The following DIAPH2 variants were observed in gnomAD, a reference collection of about 807,000 sequenced individuals.
DIAPH2 encodes diaphanous related formin 2.
In DIAPH2, 35 loss-of-function variants were observed where a neutral mutation model predicts 92.7. The ratio of observed to expected loss-of-function variants is 0.38; its 90% CI spans 0.29 to 0.50. The LOEUF (loss-of-function observed/expected upper bound fraction) is 0.50, where lower values mean the gene tolerates loss of function less well. Among genes scored for constraint, DIAPH2 ranks in the 20% least tolerant of loss-of-function variants. The pLI, the probability that DIAPH2 is intolerant of heterozygous loss-of-function variation, is 0.94. For missense variants in DIAPH2, 701 were observed against 819.5 expected (o/e 0.86, Z 1.77); for synonymous variants, 301 against 280.4 (o/e 1.07, Z -0.73).
rs183129058 is a variant in DIAPH2, at chrX:97,234,736, G to A, written c.2720-12979G>A. On this transcript the variant is annotated intron_variant, in intron 22 of 26. Coordinates refer to ENST00000324765, the MANE Select transcript of DIAPH2 (RefSeq NM_006729.5). Reference sequence around the variant, plus strand: ...TATCCTTCTTTTGATTTTTTTTTCAGCCACTTAAAAATGTAAAAAGCATTC... The same window carrying A: ...TATCCTTCTTTTGATTTTTTTTTCAACCACTTAAAAATGTAAAAAGCATTC... Among the ~76,000 whole-genome samples the A allele has an allele frequency of 4.0e-3, 445 of 110,476 alleles. 2 individuals are homozygous for A. Among genetic ancestry groups the A allele is most frequent in the African/African-American group, 0.014 (420 of 30,321 alleles).
intron 22 of DIAPH2, among the ~76,000 whole-genome samples, chrX:97,150,852 G>T (rs778489763): frequency 8.9e-6 from 1 of 111,821 alleles, no homozygotes; most frequent in Admixed American, 9.5e-5. Flanking sequence ...CTATAACACA[G>T]TGTCGGCATA....
chrX:96,778,930 G>A (rs1361547614), intron 4 of DIAPH2, among the ~76,000 whole-genome samples: 1 of 111,476 alleles, frequency 9.0e-6, no homozygotes, highest in African/African-American at 3.3e-5. Context: ...TGTTACATGT[G>A]ATCATTTGGT....
chrX:97,441,049 C>G (rs1160023321), intron 26 of DIAPH2, among the ~76,000 whole-genome samples: 1 of 111,765 alleles, frequency 8.9e-6, no homozygotes, highest in African/African-American at 3.3e-5. Flanking sequence ...CTGGATTTCA[C>G]TAATAGAAAT....
At chrX:97,362,707 G>A (rs777875953) in intron 24 of DIAPH2, among the ~76,000 whole-genome samples, 80 of 112,325 alleles carry the variant, frequency 7.1e-4, no homozygotes, top group African/African-American at 2.5e-3. Context: ...TTAAAGCTCT[G>A]CCATCATGGA....
intron 26 of DIAPH2, among the ~76,000 whole-genome samples, chrX:97,477,616 ATCTATCTATC>A (rs2070620510): frequency 2.0e-5 from 1 of 49,164 alleles, no homozygotes; most frequent in Non-Finnish European, 4.4e-5. Flanking sequence ...AAAAAAATCT[ATCTATCTATC>A]TATATATATA....
intron 24 of DIAPH2, among the ~76,000 whole-genome samples, chrX:97,380,509 G>A (rs893371802): frequency 5.0e-4 from 56 of 111,639 alleles, no homozygotes; most frequent in African/African-American, 1.8e-3. Context: ...TACTGCTTTT[G>A]TTCTTTTGAT....
intron 26 of DIAPH2, among the ~76,000 whole-genome samples, chrX:97,443,298 G>A (rs1327305062): frequency 9.0e-6 from 1 of 111,643 alleles, no homozygotes. Flanking sequence ...CACCTATTCC[G>A]GGAAGCCTTT....
At chrX:97,456,238 T>A (rs926629425) in intron 26 of DIAPH2, among the ~76,000 whole-genome samples, 13 of 110,190 alleles carry the variant, frequency 1.2e-4, no homozygotes, top group Non-Finnish European at 1.7e-4. Flanking sequence ...ATACAAAAAA[T>A]TAGCCGGGCG....
intron 23 of DIAPH2, among the ~76,000 whole-genome samples, chrX:97,333,392 C>A (rs1455802345): frequency 9.0e-6 from 1 of 111,371 alleles, no homozygotes; most frequent in East Asian, 2.8e-4. Context: ...TCTCTGCCCC[C>A]AAAATAGTGC....
intron 26 of DIAPH2, among the ~76,000 whole-genome samples, chrX:97,495,069 C>G (rs2070749612): frequency 8.9e-6 from 1 of 112,618 alleles, no homozygotes; most frequent in African/African-American, 3.2e-5. Flanking sequence ...GAAGCATTCT[C>G]TACTCTGTAT....
chrX:97,229,497 G>C (rs2067991134), intron 22 of DIAPH2, among the ~76,000 whole-genome samples: 1 of 111,280 alleles, frequency 9.0e-6, no homozygotes, highest in Admixed American at 9.7e-5. Flanking sequence ...GTGACTGGCT[G>C]GTTATGGTTA....
chrX:97,506,644 C>G (rs1321124694), intron 26 of DIAPH2, among the ~76,000 whole-genome samples: 7 of 110,443 alleles, frequency 6.3e-5, no homozygotes, highest in Non-Finnish European at 1.3e-4. Flanking sequence ...CTCATTTGAA[C>G]TGTTTTTCAT....
intron 21 of DIAPH2, among the ~76,000 whole-genome samples, chrX:97,136,052 C>G (rs754907791): frequency 8.9e-6 from 1 of 112,093 alleles, no homozygotes; most frequent in East Asian, 2.8e-4. Context: ...ATGCTACCCA[C>G]TTTTCTAGAT....
At chrX:97,157,598 C>G (rs1383273735) in intron 22 of DIAPH2, among the ~76,000 whole-genome samples, 1 of 109,937 alleles carries the variant, frequency 9.1e-6, no homozygotes, top group African/African-American at 3.3e-5. Flanking sequence ...CCTACTCTGT[C>G]TATGGAGTAG....
intron 17 of DIAPH2, among the ~76,000 whole-genome samples, chrX:96,978,068 A>T (rs2065973209): frequency 8.9e-6 from 1 of 112,207 alleles, no homozygotes; most frequent in South Asian, 3.6e-4. Flanking sequence ...TAAAACTACA[A>T]AGAGGTGTGC....
chrX:96,971,454 GTA>G (rs1396087615), intron 17 of DIAPH2, among the ~76,000 whole-genome samples: 1 of 111,075 alleles, frequency 9.0e-6, no homozygotes. Context: ...GGGTGTGGGT[GTA>G]TGTGTGTGTG....
chrX:97,081,489 C>T (rs1171933556), intron 19 of DIAPH2, among the ~76,000 whole-genome samples: 1 of 112,098 alleles, frequency 8.9e-6, no homozygotes, highest in African/African-American at 3.2e-5. Flanking sequence ...TTTTCTTGTA[C>T]TAATTGGATT....
At position 97,071,299 on chromosome X, in the gene DIAPH2, T is replaced by TA. The variant is rs765686027; in HGVS notation, c.2051-1641dup. Among the ~76,000 whole-genome samples the TA allele has an allele frequency of 1.4e-4, 16 of 111,860 alleles. No individual in the cohort carries two copies. The Admixed American group carries it at 1.5e-3, about 11-fold the overall frequency. ...GCTCTTAGAAAGATCCTTTGAAGAA[T>TA]ATTTGAGATATGTTTTAATGTATTT... On this transcript the variant is annotated intron_variant, in intron 17 of 26. Transcript: ENST00000324765.
chrX:97,398,072 C>T (rs1346907672), intron 25 of DIAPH2, among the ~76,000 whole-genome samples: 2 of 111,962 alleles, frequency 1.8e-5, no homozygotes, highest in East Asian at 2.8e-4. Flanking sequence ...AGTGCTTAAC[C>T]GACCTCATTC....
Sources: allele counts gnomAD v4.1 joint callset (sites outside exome capture counted in the v4.1 genomes callset), GRCh38; gene constraint gnomAD v4.1.1; transcripts MANE v1.5; gene names NCBI Gene and HGNC (gene_info 2026-07-23, HGNC 2026-07-21).